EDIL3: variants seen among roughly 807,000 people sequenced by gnomAD.
The protein encoded by EDIL3 is EGF like and discoidin domains 3.
Under a neutral mutation model 67.4 loss-of-function variants are expected in EDIL3, and 37 were observed. That is an observed-to-expected ratio of 0.55 (90% CI 0.42 to 0.72). The LOEUF (loss-of-function observed/expected upper bound fraction) is 0.72, where lower values mean the gene tolerates loss of function less well. Among genes scored for constraint, EDIL3 ranks in the 30% least tolerant of loss-of-function variants. EDIL3 has a pLI of 0.00. For synonymous variants in EDIL3, 195 were observed against 196.3 expected (o/e 0.99, Z 0.05); for missense variants, 527 against 586.3 (o/e 0.90, Z 1.04).
intron 1 of EDIL3, among the ~76,000 whole-genome samples, chr5:84,266,937 T>C (rs1745364575): frequency 6.6e-6 from 1 of 152,246 alleles, no homozygotes; most frequent in African/African-American, 2.4e-5. Context: ...AAGTGTTTTA[T>C]GGGTATTATC....
intron 9 of EDIL3, among the ~76,000 whole-genome samples, chr5:83,979,069 C>T (rs1292853972): frequency 1.3e-5 from 2 of 151,916 alleles, no homozygotes; most frequent in African/African-American, 2.4e-5. Flanking sequence ...TAAATTGTTA[C>T]AAAGGCAAAC....
chr5:84,282,487 T>A lies in EDIL3; in HGVS notation c.68-28275A>T, dbSNP rs556400921. ...GCTTTATAGCATTTTATTGTATAAA[T>A]CTACCATAATTTATTTCTTCATTCT... On this transcript the variant is annotated intron_variant, in intron 1 of 10. Transcript: ENST00000296591. Among the ~76,000 whole-genome samples the A allele has an allele frequency of 2.6e-5, 4 of 152,320 alleles. No individual in the cohort carries two copies. The South Asian group carries it at 8.3e-4, about 32-fold the overall frequency.
intron 4 of EDIL3, among the ~76,000 whole-genome samples, chr5:84,141,969 A>ATCTATCTATCTATCTC (rs1748207023): frequency 7.0e-6 from 1 of 142,454 alleles, no homozygotes; most frequent in Non-Finnish European, 1.5e-5. Flanking sequence ...CTATCTATCT[A>ATCTATCTATCTATCTC]TCTATCTATC....
At chr5:84,384,248 C>G in intron 1 of EDIL3, 60 bp downstream of exon 1, 1 of 1,561,464 alleles carries the variant, frequency 6.4e-7, no homozygotes, top group Non-Finnish European at 8.7e-7. Context: ...CCCTGCGCGG[C>G]GTTTCTCAGG....
At chr5:84,293,723 G>A (rs180703151) in intron 1 of EDIL3, among the ~76,000 whole-genome samples, 3 of 151,522 alleles carry the variant, frequency 2.0e-5, no homozygotes, top group Admixed American at 2.0e-4. Context: ...GAGGCTGGGG[G>A]AGGGGGGATT....
chr5:84,143,958 T>G (rs2112323468), intron 4 of EDIL3, among the ~76,000 whole-genome samples: 1 of 152,158 alleles, frequency 6.6e-6, no homozygotes, highest in Admixed American at 6.6e-5. Flanking sequence ...AGTGAGTCCC[T>G]TGCTTGGGGC....
At chr5:84,367,277 CTT>C (rs957187939) in intron 1 of EDIL3, among the ~76,000 whole-genome samples, 1 of 146,978 alleles carries the variant, frequency 6.8e-6, no homozygotes. Context: ...AATTTAATGA[CTT>C]TTTTTTTTTG....
chr5:84,156,486 T>C (rs1158573474), intron 4 of EDIL3, among the ~76,000 whole-genome samples: 1 of 152,176 alleles, frequency 6.6e-6, no homozygotes, highest in East Asian at 1.9e-4. Flanking sequence ...GTGCTAATAG[T>C]CCCTCTCGCT....
intron 3 of EDIL3, among the ~76,000 whole-genome samples, chr5:84,185,437 G>A (rs765110786): frequency 3.9e-5 from 6 of 152,090 alleles, no homozygotes; most frequent in Non-Finnish European, 7.4e-5. Flanking sequence ...AAGTACTCAT[G>A]ACAGAGTGTT....
At chr5:84,062,546 T>G (rs1178175200) in intron 8 of EDIL3, among the ~76,000 whole-genome samples, 1 of 152,138 alleles carries the variant, frequency 6.6e-6, no homozygotes, top group African/African-American at 2.4e-5. Flanking sequence ...AAATTATTGG[T>G]TCATAGAATG....
chr5:83,977,257 G>T (rs1275247278), intron 9 of EDIL3, among the ~76,000 whole-genome samples: 1 of 151,762 alleles, frequency 6.6e-6, no homozygotes, highest in Non-Finnish European at 1.5e-5. Context: ...ACCATTAGAA[G>T]ATTTTTTTCA....
intron 1 of EDIL3, among the ~76,000 whole-genome samples, chr5:84,303,808 CTGTGTGTGTGTGTGTGTG>C (rs199605264): frequency 3.2e-3 from 429 of 135,394 alleles, no homozygotes; most frequent in African/African-American, 0.012. Context: ...CTCTCTCTCT[CTGTGTGTGTGTGTGTGTG>C]TGTGTGTGTG....
chr5:84,139,598 T>C (rs1748153854), intron 4 of EDIL3, among the ~76,000 whole-genome samples: 2 of 152,186 alleles, frequency 1.3e-5, no homozygotes, highest in South Asian at 4.1e-4. Flanking sequence ...TGTCTTAACC[T>C]GTATCCTCTC....
chr5:83,998,812 A>C (rs763127318), intron 9 of EDIL3, among the ~76,000 whole-genome samples: 6 of 152,190 alleles, frequency 3.9e-5, no homozygotes, highest in Non-Finnish European at 8.8e-5. Flanking sequence ...TAGTTGCTAC[A>C]GGCCTTCGGC....
At chr5:84,353,157 G>C (rs1428329241) in intron 1 of EDIL3, among the ~76,000 whole-genome samples, 1 of 151,994 alleles carries the variant, frequency 6.6e-6, no homozygotes, top group Non-Finnish European at 1.5e-5. Context: ...TGTGAATTAT[G>C]TTAAATTATG....
chr5:84,051,960 G>A (rs1746347562), intron 9 of EDIL3, among the ~76,000 whole-genome samples: 1 of 152,192 alleles, frequency 6.6e-6, no homozygotes, highest in Admixed American at 6.5e-5. Context: ...TACAGAGAAT[G>A]CCACAAAGAT....
chr5:84,238,464 G>A (rs1475895114), intron 2 of EDIL3, among the ~76,000 whole-genome samples: 2 of 152,008 alleles, frequency 1.3e-5, no homozygotes, highest in East Asian at 1.9e-4. Context: ...AAATCTGTAC[G>A]TGTCATTTTG....
chr5:84,330,305 T>C (rs1380491265), intron 1 of EDIL3, among the ~76,000 whole-genome samples: 1 of 152,156 alleles, frequency 6.6e-6, no homozygotes, highest in Non-Finnish European at 1.5e-5. Context: ...CAAGAGTACA[T>C]CCTGCTTTCA....
chr5:84,262,363 T>C (rs1252401367), intron 1 of EDIL3, among the ~76,000 whole-genome samples: 1 of 151,402 alleles, frequency 6.6e-6, no homozygotes, highest in African/African-American at 2.4e-5. Context: ...AAAGAGGAAG[T>C]TTGGAAGTTA....
Sources: allele counts gnomAD v4.1 joint callset (sites outside exome capture counted in the v4.1 genomes callset), GRCh38; gene constraint gnomAD v4.1.1; transcripts MANE v1.5; gene names NCBI Gene and HGNC (gene_info 2026-07-23, HGNC 2026-07-21).